Variants in SMARCB1 observed in about 807,000 individuals in gnomAD.
SMARCB1 encodes SWI/SNF-related matrix-associated actin-dependent regulator of chromatin subfamily B member 1.
A neutral mutation model predicts 49.0 loss-of-function variants in SMARCB1; 5 were observed. The observed-to-expected ratio is 0.10, with a 90% confidence interval of 0.05 to 0.21. The LOEUF (loss-of-function observed/expected upper bound fraction) is 0.21, where lower values mean the gene tolerates loss of function less well. SMARCB1 is among the 10% of genes least tolerant of loss of function. The pLI, the probability that SMARCB1 is intolerant of heterozygous loss-of-function variation, is 1.00. For synonymous variants in SMARCB1, 201 were observed against 200.1 expected (o/e 1.00, Z -0.04); for missense variants, 226 against 509.2 (o/e 0.44, Z 5.35).
chr22:23,809,128 C>T (rs969492347), intron 5 of SMARCB1, among the ~76,000 whole-genome samples: 1 of 151,772 alleles, frequency 6.6e-6, no homozygotes, highest in Non-Finnish European at 1.5e-5. Flanking sequence ...CCACCGCGCC[C>T]AGCCAAATGA....
rs1033103665 is a variant in SMARCB1 at position 23,813,358 on chromosome 22, A to G, written c.629-3412A>G. ...AAATAAAATCCTATTTGCAGATGAC[A>G]TGATTGTCCGTGTAGAAAATCCCAA... On this transcript the variant is annotated intron_variant, in intron 5 of 8. Coordinates refer to ENST00000644036, the MANE Select transcript of SMARCB1 (RefSeq NM_003073.5). Among the ~76,000 whole-genome samples, 10 of 152,364 alleles carry G rather than the reference A, an allele frequency of 6.6e-5. No homozygotes were observed. The East Asian group carries it at 1.2e-3, about 18-fold the overall frequency.
Position 23,835,136 on chromosome 22 carries a change from T to C in SMARCB1, c.*956T>C. ...ATAGCCCTCCCGGCCTGGTGCCAGC[T>C]CTTGGAGTTGACACGGTACAGGGAG... On this transcript the variant is annotated 3_prime_UTR_variant, in exon 9 of 9. Transcript: ENST00000644036. The C allele has an allele frequency of 7.3e-7, 1 of 1,367,802 alleles. No individual in the cohort carries two copies. The highest frequency in any genetic ancestry group is 1.8e-5 in the South Asian group (1 of 54,660). 84.7% of individuals were successfully genotyped at this position (1,367,802 alleles called of 1,614,324 possible).
intron 6 of SMARCB1, among the ~76,000 whole-genome samples, chr22:23,822,097 C>T (rs1387379098): frequency 6.6e-6 from 1 of 152,064 alleles, no homozygotes; most frequent in East Asian, 1.9e-4. Flanking sequence ...ACATGAGGAC[C>T]ATCTCTCTCC....
chr22:23,790,673 T>A (rs763150781), intron 1 of SMARCB1, among the ~76,000 whole-genome samples: 19 of 152,002 alleles, frequency 1.2e-4, no homozygotes, highest in Non-Finnish European at 2.6e-4. Context: ...TGAAACTCCG[T>A]CTCTACAAAA....
chr22:23,836,626 T>G lies in SMARCB1; in HGVS notation c.*2446T>G. Reference sequence around the variant, plus strand: ...TCTTTGCCCTCTGTGGGCACCCCTATCCTACCACCTGCAGTTGGGCTGAGA... The same window carrying G: ...TCTTTGCCCTCTGTGGGCACCCCTAGCCTACCACCTGCAGTTGGGCTGAGA... On this transcript the variant is annotated 3_prime_UTR_variant, in exon 9 of 9. Coordinates refer to ENST00000644036, the MANE Select transcript of SMARCB1 (RefSeq NM_003073.5). The G allele has an allele frequency of 8.1e-7, 1 of 1,232,896 alleles. No individual in the cohort carries two copies. The highest frequency in any genetic ancestry group is 1.0e-6 in the Non-Finnish European group (1 of 990,672). The allele number at this position is 1,232,896 out of a possible 1,614,324, so 76.4% of individuals were successfully genotyped here. A position where few individuals can be genotyped will look rare whatever the true frequency, so the allele number is the denominator to read the frequency against.
intron 5 of SMARCB1, among the ~76,000 whole-genome samples, chr22:23,812,506 C>T (rs1052833584): frequency 1.2e-4 from 18 of 152,018 alleles, no homozygotes; most frequent in Non-Finnish European, 1.5e-4. Flanking sequence ...AGATACCAAA[C>T]CTAAAGACAG....
chr22:23,803,530 C>T lies in SMARCB1; in HGVS notation c.628+108C>T, dbSNP rs753799020. 2.9e-5 allele frequency: 38 copies of T among 1,297,878 alleles called. No individual in the cohort carries two copies. The African/African-American group carries it at 3.1e-4, about 11-fold the overall frequency. 80.4% of individuals were successfully genotyped at this position (1,297,878 alleles called of 1,614,324 possible). A position where few individuals can be genotyped will look rare whatever the true frequency, so the allele number is the denominator to read the frequency against. ...TGTCAGGCAGATTCTGGACCTGACA[C>T]GCAGGACATCGGGGCATAGTTTTGG... On this transcript the variant is annotated intron_variant, in intron 5 of 8. Transcript: ENST00000644036.
chr22:23,799,679 A>ATTTTTTGTTTTTTTTTT, intron 3 of SMARCB1, among the ~76,000 whole-genome samples: 1 of 68,406 alleles, frequency 1.5e-5, no homozygotes, highest in Non-Finnish European at 2.7e-5. Context: ...CACCTGGCTA[A>ATTTTTTGTTTTTTTTTT]TTTTTTTTTT....
At chr22:23,821,822 G>T (rs995173280) in intron 6 of SMARCB1, among the ~76,000 whole-genome samples, 1 of 150,848 alleles carries the variant, frequency 6.6e-6, no homozygotes, top group Non-Finnish European at 1.5e-5. Flanking sequence ...CTACACTCCA[G>T]CCTGGGCAAC....
chr22:23,828,353 A>G (rs996403609), intron 7 of SMARCB1, among the ~76,000 whole-genome samples: 1 of 145,590 alleles, frequency 6.9e-6, no homozygotes, highest in Non-Finnish European at 1.5e-5. Context: ...GCTCGGCCAC[A>G]TGACTTCTTA....
At chr22:23,790,438 A>G (rs903482978) in intron 1 of SMARCB1, among the ~76,000 whole-genome samples, 8 of 152,216 alleles carry the variant, frequency 5.3e-5, no homozygotes, top group African/African-American at 1.9e-4. Context: ...TCTCACACCT[A>G]TAATCCTAGC....
At chr22:23,820,472 G>A (rs1049635627) in intron 6 of SMARCB1, among the ~76,000 whole-genome samples, 5 of 152,172 alleles carry the variant, frequency 3.3e-5, no homozygotes, top group African/African-American at 1.2e-4. Context: ...TACTCAGGAG[G>A]CTGAGGCAAG....
chr22:23,787,042 C>T lies in SMARCB1; in HGVS notation c.-128C>T. ...GCGGCTGAGGAGCCCGGCTGAGGCG[C>T]CAGTACCCGGCCCGGTCCGCATTTC... On this transcript the variant is annotated 5_prime_UTR_variant, in exon 1 of 9. Coordinates refer to ENST00000644036, the MANE Select transcript of SMARCB1 (RefSeq NM_003073.5). The T allele has an allele frequency of 1.6e-6, 1 of 612,544 alleles. No homozygotes were observed. The highest frequency in any genetic ancestry group is 2.9e-6 in the Non-Finnish European group (1 of 349,070). The allele number at this position is 612,544 out of a possible 1,614,324, so 37.9% of individuals were successfully genotyped here.
At chr22:23,794,545 G>T (rs567588464) in intron 3 of SMARCB1, among the ~76,000 whole-genome samples, 3 of 152,248 alleles carry the variant, frequency 2.0e-5, no homozygotes, top group African/African-American at 7.2e-5. Context: ...CAATTTGTCA[G>T]AAAAATCAGT....
At chr22:23,820,947 A>G (rs772537805) in intron 6 of SMARCB1, among the ~76,000 whole-genome samples, 1 of 152,238 alleles carries the variant, frequency 6.6e-6, no homozygotes, top group Non-Finnish European at 1.5e-5. Flanking sequence ...GATTGGCCAC[A>G]CAAGGGGCCT....
At chr22:23,799,751 G>A (rs1028246609) in intron 3 of SMARCB1, among the ~76,000 whole-genome samples, 5 of 134,786 alleles carry the variant, frequency 3.7e-5, no homozygotes, top group African/African-American at 1.4e-4. Context: ...GTGGCGCAAT[G>A]TTGGCTCACT....
At chr22:23,801,453 T>C in intron 4 of SMARCB1, 2 of 543,950 alleles carry the variant, frequency 3.7e-6, no homozygotes, top group Non-Finnish European at 7.0e-6. Context: ...CAGAGCCTGC[T>C]GGAGTAAACC....
In SMARCB1 at chr22:23,836,685, A is replaced by G; in HGVS notation, c.*2505A>G. The G allele has an allele frequency of 7.7e-7, 1 of 1,301,696 alleles. No homozygotes were observed. Among genetic ancestry groups the G allele is most frequent in the Non-Finnish European group, 9.7e-7 (1 of 1,031,646 alleles). 80.6% of individuals were successfully genotyped at this position (1,301,696 alleles called of 1,614,324 possible). Reference sequence around the variant, plus strand: ...TGAGTGAGGACGGGGCAGGCATAGAAGGATGTGGCCAGGTGAGATGGGGAA... The same window carrying G: ...TGAGTGAGGACGGGGCAGGCATAGAGGGATGTGGCCAGGTGAGATGGGGAA... On this transcript the variant is annotated 3_prime_UTR_variant, in exon 9 of 9. Coordinates refer to ENST00000644036, the MANE Select transcript of SMARCB1 (RefSeq NM_003073.5).
Position 23,808,785 on chromosome 22 carries a change from A to G in SMARCB1, c.628+5363A>G, listed in dbSNP as rs549256892. 4.8e-5 allele frequency among the ~76,000 whole-genome samples: 7 copies of G among 147,062 alleles called. No homozygotes were observed. In the East Asian group the frequency reaches 1.0e-3, roughly 21 times the overall value. On this transcript the variant is annotated intron_variant, in intron 5 of 8. Coordinates refer to ENST00000644036, the MANE Select transcript of SMARCB1 (RefSeq NM_003073.5). ...ACAGTCTCAGCTCATCACAACCTCT[A>G]CCTCCCGGGTTCAAGTGATTCTCCT...
Sources: gnomAD v4.1 joint callset for allele counts (sites outside exome capture counted in the v4.1 genomes callset) on GRCh38, gnomAD v4.1.1 for gene constraint, MANE v1.5 for transcripts, NCBI Gene and HGNC (gene_info 2026-07-23, HGNC 2026-07-21) for gene names.